DNAH14: variants seen among roughly 807,000 people sequenced by gnomAD.
DNAH14 encodes axonemal beta dynein heavy chain 14.
In DNAH14, 478 loss-of-function variants were observed where a neutral mutation model predicts 520.9. The ratio of observed to expected loss-of-function variants is 0.92; its 90% CI spans 0.85 to 0.99. The LOEUF is 0.99. Among genes scored for constraint, DNAH14 ranks in the 50% least tolerant of loss-of-function variants. The pLI is 0.00. For synonymous variants in DNAH14, 1,581 were observed against 1,757.2 expected (o/e 0.90, Z 2.51); for missense variants, 4,831 against 5,234.5 (o/e 0.92, Z 2.38).
intron 31 of DNAH14, among the ~76,000 whole-genome samples, chr1:225,149,195 C>T (rs932829535): frequency 2.0e-5 from 3 of 152,064 alleles, no homozygotes; most frequent in Non-Finnish European, 1.5e-5. Flanking sequence ...AGTGTTTTCT[C>T]CATTGAGTTT....
chr1:225,381,171 C>T (rs1425230662), intron 80 of DNAH14, among the ~76,000 whole-genome samples: 1 of 152,150 alleles, frequency 6.6e-6, no homozygotes, highest in African/African-American at 2.4e-5. Flanking sequence ...TGGCCGCACC[C>T]ACACTACAAG....
intron 31 of DNAH14, chr1:225,151,768 C>A (rs1003055997): frequency 1.1e-5 from 7 of 626,734 alleles, no homozygotes; most frequent in Non-Finnish European, 2.0e-5. Flanking sequence ...AGCCTCAGGT[C>A]CCAGAAACAT....
intron 78 of DNAH14, among the ~76,000 whole-genome samples, chr1:225,375,834 C>T (rs1409218704): frequency 6.6e-6 from 1 of 151,828 alleles, no homozygotes; most frequent in African/African-American, 2.4e-5. Flanking sequence ...TGCCTGTAAT[C>T]CCAGCACTTT....
intron 27 of DNAH14, among the ~76,000 whole-genome samples, chr1:225,128,840 T>TA (rs1303531784): frequency 6.6e-6 from 1 of 150,722 alleles, no homozygotes; most frequent in Non-Finnish European, 1.5e-5. Context: ...GAGAATGAAA[T>TA]AAAGAGTATT....
rs2092168550 is a variant in DNAH14, at chr1:225,244,643, G to A, written c.6748+3821G>A. Among the ~76,000 whole-genome samples, 3 of 152,106 alleles carry A rather than the reference G, an allele frequency of 2.0e-5. No individual in the cohort carries two copies. In the South Asian group the frequency reaches 6.2e-4, roughly 32 times the overall value. ...AGATTTCTAGTTTATTTGCATAGAG[G>A]TTTTTATATTAATCTCTGATGGTAG... On this transcript the variant is annotated intron_variant, in intron 43 of 85. Transcript: ENST00000682510.
intron 68 of DNAH14, 41 bp from the exon 69 acceptor site, chr1:225,340,416 C>G: frequency 6.8e-7 from 1 of 1,479,860 alleles, no homozygotes. Flanking sequence ...TTTTTTTCTT[C>G]TACATGTTCT....
intron 17 of DNAH14, among the ~76,000 whole-genome samples, chr1:225,064,235 A>G (rs1429505640): frequency 6.6e-6 from 1 of 152,092 alleles, no homozygotes; most frequent in Non-Finnish European, 1.5e-5. Flanking sequence ...TTCACTATAT[A>G]GCCATTGGAA....
intron 73 of DNAH14, 110 bp downstream of exon 73, chr1:225,353,998 A>G (rs2095402254): frequency 2.8e-6 from 2 of 711,066 alleles, no homozygotes; most frequent in South Asian, 1.8e-5. Flanking sequence ...TTTTTAAAGT[A>G]CATTTCGTGA....
intron 12 of DNAH14, among the ~76,000 whole-genome samples, chr1:225,041,880 T>A (rs1168508287): frequency 6.6e-6 from 1 of 152,208 alleles, no homozygotes; most frequent in African/African-American, 2.4e-5. Context: ...TTTCTTTTAT[T>A]GTGATAAAAC....
At chr1:225,114,455 G>A (rs1448580329) in intron 23 of DNAH14, among the ~76,000 whole-genome samples, 1 of 152,130 alleles carries the variant, frequency 6.6e-6, no homozygotes, top group Non-Finnish European at 1.5e-5. Context: ...CCTGGGGTTG[G>A]GGGAGAGGTG....
chr1:225,304,304 T>A (rs994869367), intron 57 of DNAH14, among the ~76,000 whole-genome samples: 1 of 152,132 alleles, frequency 6.6e-6, no homozygotes, highest in Non-Finnish European at 1.5e-5. Flanking sequence ...ACACCTATAA[T>A]CCCAGCAGTT....
At position 225,003,023 on chromosome 1, in the gene DNAH14, AT is replaced by A. The variant is rs534164947; in HGVS notation, c.975+97del. The A allele has an allele frequency of 1.2e-3, 1,305 of 1,120,820 alleles. 32 individuals are homozygous for A. The Admixed American group carries it at 0.037, about 32-fold the overall frequency. The allele number at this position is 1,120,820 out of a possible 1,614,324, so 69.4% of individuals were successfully genotyped here. A position where few individuals can be genotyped will look rare whatever the true frequency, so the allele number is the denominator to read the frequency against. ...TTAAAAAATACAGATTTCTAAATTC[AT>A]AAATAAACCATCTCTTTCGATTACT... is the stretch of plus-strand genomic sequence containing the variant. On this transcript the variant is annotated intron_variant, in intron 9 of 85. Transcript: ENST00000682510.
At chr1:224,985,572 A>G (rs1269240971) in intron 8 of DNAH14, among the ~76,000 whole-genome samples, 1 of 152,152 alleles carries the variant, frequency 6.6e-6, no homozygotes, top group Non-Finnish European at 1.5e-5. Flanking sequence ...TAAAGAATTT[A>G]CTCGTAACCA....
chr1:224,944,470 T>G (rs2059654617), intron 1 of DNAH14, among the ~76,000 whole-genome samples: 1 of 152,178 alleles, frequency 6.6e-6, no homozygotes, highest in Admixed American at 6.5e-5. Context: ...GTCTTTTAAT[T>G]GGAGCATTTA....
intron 43 of DNAH14, among the ~76,000 whole-genome samples, chr1:225,250,478 A>T (rs1018969549): frequency 1.3e-5 from 2 of 152,274 alleles, no homozygotes; most frequent in Admixed American, 1.3e-4. Flanking sequence ...TGTAAAGGAA[A>T]ACAAAGAAGA....
At chr1:225,296,673 C>T (rs982499889) in intron 55 of DNAH14, among the ~76,000 whole-genome samples, 1 of 152,070 alleles carries the variant, frequency 6.6e-6, no homozygotes, top group Non-Finnish European at 1.5e-5. Context: ...TAAGGCTACG[C>T]TAGGGGTGAT....
chr1:225,102,147 T>G (rs1353987085), intron 23 of DNAH14, among the ~76,000 whole-genome samples: 1 of 150,726 alleles, frequency 6.6e-6, no homozygotes, highest in Non-Finnish European at 1.5e-5. Context: ...GGTGTTTGGT[T>G]TTTTCTCCTT....
intron 3 of DNAH14, among the ~76,000 whole-genome samples, chr1:224,955,352 T>G (rs1418913151): frequency 6.6e-6 from 1 of 152,180 alleles, no homozygotes; most frequent in Non-Finnish European, 1.5e-5. Context: ...TCTGTACCAC[T>G]TTACAGTTTC....
intron 9 of DNAH14, among the ~76,000 whole-genome samples, chr1:225,005,340 G>A (rs1201274751): frequency 6.6e-6 from 1 of 152,162 alleles, no homozygotes; most frequent in Non-Finnish European, 1.5e-5. Context: ...TGTTAGGCAG[G>A]ATAAATTTTG....
Sources: gnomAD v4.1 joint callset for allele counts (sites outside exome capture counted in the v4.1 genomes callset) on GRCh38, gnomAD v4.1.1 for gene constraint, MANE v1.5 for transcripts, NCBI Gene and HGNC (gene_info 2026-07-23, HGNC 2026-07-21) for gene names.